The following RREB1 variants were observed in gnomAD, a reference collection of about 807,000 sequenced individuals.
RREB1 encodes ras-responsive element-binding protein 1.
A neutral mutation model predicts 117.8 loss-of-function variants in RREB1; 27 were observed. The ratio of observed to expected loss-of-function variants is 0.23; its 90% CI spans 0.17 to 0.32. The LOEUF (loss-of-function observed/expected upper bound fraction) is 0.32, where lower values mean the gene tolerates loss of function less well. Ranked by LOEUF, RREB1 falls within the 10% of genes least tolerant of loss-of-function variation. The probability of loss-of-function intolerance (pLI) is 1.00; values close to 1 mark genes in which losing one functional copy is unlikely to be tolerated. For missense variants in RREB1, 2,577 were observed against 2,378.2 expected (o/e 1.08, Z -1.74); for synonymous variants, 1,298 against 1,026.7 (o/e 1.26, Z -5.05).
chr6:7,178,003 G>A (rs2113520284), intron 2 of RREB1, among the ~76,000 whole-genome samples: 1 of 152,256 alleles, frequency 6.6e-6, no homozygotes, highest in Non-Finnish European at 1.5e-5. Flanking sequence ...GATTACAGGT[G>A]TAAGCCACTG....
At chr6:7,216,686 C>T (rs1766918971) in intron 8 of RREB1, 1 of 152,256 alleles carries the variant, frequency 6.6e-6, no homozygotes, top group African/African-American at 2.4e-5. Flanking sequence ...CAAATGTCAT[C>T]CTAAAAACAG....
At position 7,229,729 on chromosome 6, in the gene RREB1, C is replaced by T. The variant is rs754946152; in HGVS notation, c.1630C>T (p.Pro544Ser). The change falls in exon 10 of 13, where the codon CCA (proline) becomes TCA (serine). Residue 544 changes from proline to serine, a missense_variant. Physicochemically the swap from Pro to Ser is moderately conservative, Grantham distance 74. Coordinates refer to ENST00000379938, the MANE Select transcript of RREB1 (RefSeq NM_001003699.4). The surrounding 1 kb of genome is among the most constrained non-coding windows in gnomAD (Gnocchi z 4.5). ...GGGCTGTATCAGCCCCAGCCTGCCG[C>T]CACCGCCCCTGAAGCTCCTCAAAGG... ...SPGCISPSLP[P>S]PPLKLLKGSV... 8 of 1,600,874 alleles carry T rather than the reference C, an allele frequency of 5.0e-6. No homozygotes were observed. Among genetic ancestry groups the T allele is most frequent in the Non-Finnish European group, 6.0e-6 (7 of 1,171,620 alleles).
chr6:7,201,048 C>CAGTG (rs1175602083), intron 6 of RREB1, among the ~76,000 whole-genome samples: 1 of 152,178 alleles, frequency 6.6e-6, no homozygotes, highest in African/African-American at 2.4e-5. Context: ...GAACAGCAGG[C>CAGTG]AGTGGTGAGA....
At chr6:7,184,849 T>C (rs1320386587) in intron 4 of RREB1, 1 of 152,094 alleles carries the variant, frequency 6.6e-6, no homozygotes, top group East Asian at 1.9e-4. Flanking sequence ...TACATCCTAT[T>C]GATGTATCAC....
chr6:7,178,029 GA>G (rs1764596178), intron 2 of RREB1, among the ~76,000 whole-genome samples: 1 of 151,874 alleles, frequency 6.6e-6, no homozygotes, highest in Non-Finnish European at 1.5e-5. Context: ...GGCCCCGGCT[GA>G]TTTTTATTTT....
chr6:7,227,386 C>T (rs1307425187), intron 9 of RREB1, among the ~76,000 whole-genome samples: 2 of 148,942 alleles, frequency 1.3e-5, no homozygotes, highest in East Asian at 4.1e-4. Context: ...ACTAAAAATA[C>T]AAAAATTAGC....
chr6:7,250,116 G>A lies in RREB1; in HGVS notation c.*1148G>A, dbSNP rs1471490899. ...GCATCAAGAAGCCAGGGCCGTGCCT[G>A]GAGCACTGCAGAGATGACTTTGGAG... is the stretch of plus-strand genomic sequence containing the variant. On this transcript the variant is annotated 3_prime_UTR_variant, in exon 13 of 13. Transcript: ENST00000379938. 1.3e-5 allele frequency: 2 copies of A among 152,606 alleles called. No homozygotes were observed. The highest frequency in any genetic ancestry group is 4.8e-5 in the African/African-American group (2 of 41,428). The allele number at this position is 152,606 out of a possible 1,614,324, so 9.5% of individuals were successfully genotyped here.
chr6:7,237,770 C>T (rs1768431575), intron 10 of RREB1, among the ~76,000 whole-genome samples: 1 of 152,330 alleles, frequency 6.6e-6, no homozygotes, highest in South Asian at 2.1e-4. Flanking sequence ...CCCTGCAATC[C>T]AGAGAGCCCA....
At chr6:7,196,220 TTTTTTTTTTTG>T (rs1489790780) in intron 6 of RREB1, among the ~76,000 whole-genome samples, 509 of 22,972 alleles carry the variant, frequency 0.022, 3 homozygotes, top group African/African-American at 0.16. Flanking sequence ...TTTTTTTCGT[TTTTTTTTTTTG>T]TTTTTTTTTT....
At chr6:7,246,395 G>C (rs1416431036) in intron 11 of RREB1, 29 bp from the exon 12 acceptor site, 1 of 1,449,664 alleles carries the variant, frequency 6.9e-7, no homozygotes, top group Non-Finnish European at 9.1e-7. Flanking sequence ...GTGCCCCTCT[G>C]AGCCCTCCCC....
At chr6:7,242,711 G>GGA (rs56391728) in intron 11 of RREB1, among the ~76,000 whole-genome samples, 14 of 150,696 alleles carry the variant, frequency 9.3e-5, no homozygotes, top group Non-Finnish European at 1.6e-4. Flanking sequence ...GGGGGGGGGG[G>GGA]AAGGAAATGA....
rs746611471 is a variant in RREB1 at position 7,240,467 on chromosome 6, G to A, written c.3838G>A (p.Asp1280Asn). The A allele has an allele frequency of 2.0e-5, 32 of 1,613,294 alleles. No homozygotes were observed. Among genetic ancestry groups the A allele is most frequent in the Admixed American group, 1.0e-4 (6 of 59,958 alleles). Residue 1280 changes from aspartate (D) to asparagine (N), a missense_variant, in exon 11 of 13, where the codon GAT becomes AAT. Physicochemically the swap from Asp to Asn is conservative, Grantham distance 23. Coordinates refer to ENST00000379938, the MANE Select transcript of RREB1 (RefSeq NM_001003699.4). ...GQKPFPCQKC[D>N]AFFSTKSNCE... is the part of the protein sequence containing the mutation. The stretch of plus-strand genomic sequence containing the variant: ...GAAACCCTTCCCTTGTCAAAAATGC[G>A]ATGCCTTCTTTTCTACCAAATCTAA...
chr6:7,236,553 A>T (rs1383927832), intron 10 of RREB1, among the ~76,000 whole-genome samples: 2 of 152,174 alleles, frequency 1.3e-5, no homozygotes, highest in African/African-American at 4.8e-5. Flanking sequence ...ACAGAGAGAA[A>T]ATACCAAAAG....
At position 7,246,595 on chromosome 6, in the gene RREB1, A is replaced by G. The variant is rs1767410143; in HGVS notation, c.4145A>G (p.His1382Arg). Residue 1382 changes from histidine (H) to arginine (R), a missense_variant, in exon 12 of 13, where the codon CAC becomes CGC. By Grantham distance (29) the His-to-Arg change is conservative. Transcript: ENST00000379938. Reference sequence around the variant, plus strand: ...GCCTCGCCGGTGCACCGGGAAGAGCACGGGCGTGGGGAGAGCCATGAGCCG... The same window carrying G: ...GCCTCGCCGGTGCACCGGGAAGAGCGCGGGCGTGGGGAGAGCCATGAGCCG... Reference protein sequence around the residue: ...ETASPVHREEHGRGESHEPEE... With the variant: ...ETASPVHREERGRGESHEPEE... 1.9e-6 allele frequency: 3 copies of G among 1,556,304 alleles called. No individual in the cohort carries two copies. Among genetic ancestry groups the G allele is most frequent in the African/African-American group, 2.7e-5 (2 of 73,500 alleles).
intron 1 of RREB1, among the ~76,000 whole-genome samples, chr6:7,121,523 G>C (rs183487095): frequency 1.9e-4 from 29 of 152,228 alleles, no homozygotes; most frequent in African/African-American, 6.7e-4. Context: ...TGCTTGACCT[G>C]TAATCTGTGT....
chr6:7,167,570 G>C (rs964204183), intron 1 of RREB1, among the ~76,000 whole-genome samples: 2 of 152,096 alleles, frequency 1.3e-5, no homozygotes, highest in Non-Finnish European at 2.9e-5. Context: ...GGCCAGGCTG[G>C]TCTCGAACTC....
intron 10 of RREB1, 87 bp downstream of exon 10, chr6:7,231,994 C>G: frequency 7.5e-7 from 1 of 1,325,342 alleles, no homozygotes; most frequent in Non-Finnish European, 1.0e-6. Context: ...AGACCCATCT[C>G]CCACAGTTCC....
chr6:7,242,618 T>C (rs1198856424), intron 11 of RREB1, among the ~76,000 whole-genome samples: 5 of 135,862 alleles, frequency 3.7e-5, no homozygotes, highest in African/African-American at 1.1e-4. Flanking sequence ...ATGATGGACA[T>C]GGGGTGAAGC....
chr6:7,109,330 A>G (rs1334476876), intron 1 of RREB1, among the ~76,000 whole-genome samples: 2 of 151,930 alleles, frequency 1.3e-5, no homozygotes, highest in Non-Finnish European at 2.9e-5. Context: ...TCTCTTAGGA[A>G]ACTGCGACCT....
Sources: allele counts gnomAD v4.1 joint callset (sites outside exome capture counted in the v4.1 genomes callset), GRCh38; gene constraint gnomAD v4.1.1; non-coding constraint Gnocchi (gnomAD v3.1); transcripts MANE v1.5; gene names NCBI Gene and HGNC (gene_info 2026-07-23, HGNC 2026-07-21).